Variants in MCCC2 observed in about 807,000 individuals in gnomAD.
MCCC2 encodes the protein methylcrotonyl-CoA carboxylase subunit 2, also known as methylcrotonoyl-CoA carboxylase beta chain, mitochondrial.
In MCCC2, 52 loss-of-function variants were observed where a neutral mutation model predicts 77.2. The ratio of observed to expected loss-of-function variants is 0.67; its 90% CI spans 0.54 to 0.85. The LOEUF (loss-of-function observed/expected upper bound fraction) is 0.85. MCCC2 is among the 40% of genes least tolerant of loss of function. MCCC2 has a pLI of 0.00. For missense variants in MCCC2, 682 were observed against 703.2 expected (o/e 0.97, Z 0.34); for synonymous variants, 253 against 248.4 (o/e 1.02, Z -0.18).
At chr5:71,626,274 CTTATTA>C in intron 6 of MCCC2, among the ~76,000 whole-genome samples, 2 of 152,006 alleles carry the variant, frequency 1.3e-5, no homozygotes, top group Middle Eastern at 6.8e-3. Context: ...GTTTAGAGGA[CTTATTA>C]TTATTATTAG....
At chr5:71,640,901 A>C in intron 10 of MCCC2, 102 bp from the exon 11 acceptor site, 1 of 1,001,542 alleles carries the variant, frequency 1.0e-6, no homozygotes, top group South Asian at 1.3e-5. Flanking sequence ...AAATTTTGTG[A>C]AAGTGACAAC....
At chr5:71,599,197 C>T (rs941202112) in intron 3 of MCCC2, among the ~76,000 whole-genome samples, 4 of 152,096 alleles carry the variant, frequency 2.6e-5, no homozygotes, top group Middle Eastern at 3.4e-3. Context: ...GGTGAAACCC[C>T]GTCTCTACTA....
intron 7 of MCCC2, among the ~76,000 whole-genome samples, chr5:71,627,704 C>T (rs1030198310): frequency 6.6e-6 from 1 of 152,142 alleles, no homozygotes; most frequent in African/African-American, 2.4e-5. Flanking sequence ...TCTGATTGTT[C>T]CACATTCTTG....
At chr5:71,650,870 C>T (rs1747419591) in intron 15 of MCCC2, among the ~76,000 whole-genome samples, 1 of 152,144 alleles carries the variant, frequency 6.6e-6, no homozygotes, top group Non-Finnish European at 1.5e-5. Context: ...AGGATGGTCT[C>T]GATCTCCTGC....
intron 1 of MCCC2, among the ~76,000 whole-genome samples, chr5:71,588,860 G>T (rs464594): frequency 6.6e-6 from 1 of 151,786 alleles, no homozygotes; most frequent in Non-Finnish European, 1.5e-5. Flanking sequence ...TCTGGTGATG[G>T]GATTGATTGA....
chr5:71,592,688 A>T (rs1227489840), intron 1 of MCCC2, among the ~76,000 whole-genome samples: 1 of 152,168 alleles, frequency 6.6e-6, no homozygotes, highest in Non-Finnish European at 1.5e-5. Flanking sequence ...GAGGAGTAAG[A>T]TATGGAGAGA....
intron 6 of MCCC2, among the ~76,000 whole-genome samples, chr5:71,611,783 CTT>C (rs976575166): frequency 6.7e-6 from 1 of 149,648 alleles, no homozygotes; most frequent in Non-Finnish European, 1.5e-5. Context: ...TACTTTATTC[CTT>C]TTTTTTTCTT....
At chr5:71,639,660 T>C (rs1017556093) in intron 10 of MCCC2, among the ~76,000 whole-genome samples, 7 of 152,244 alleles carry the variant, frequency 4.6e-5, no homozygotes, top group African/African-American at 1.7e-4. Flanking sequence ...GTGGTGTTAA[T>C]TGTAATGCAA....
chr5:71,638,695 A>G (rs1473516768), intron 10 of MCCC2, among the ~76,000 whole-genome samples: 1 of 152,056 alleles, frequency 6.6e-6, no homozygotes, highest in Non-Finnish European at 1.5e-5. Context: ...TAATTTTTGT[A>G]TTTTTAGTAG....
chr5:71,614,054 A>G (rs1746068579), intron 6 of MCCC2, among the ~76,000 whole-genome samples: 1 of 151,930 alleles, frequency 6.6e-6, no homozygotes, highest in Non-Finnish European at 1.5e-5. Flanking sequence ...ACACACATAT[A>G]TCAGTATTTC....
chr5:71,617,840 G>A (rs143216660), intron 6 of MCCC2, among the ~76,000 whole-genome samples: 13 of 152,212 alleles, frequency 8.5e-5, no homozygotes, highest in East Asian at 3.9e-4. Flanking sequence ...AATCATACCC[G>A]TATCGTTTTC....
In MCCC2 at chr5:71,604,525, G is replaced by T. The variant is rs113584806; in HGVS notation, c.624+57G>T. ...GCTTTTTACTCTTAAGTATCTTTAC[G>T]AATTAGGTACTCTGGGATGGCTTGA... On this transcript the variant is annotated intron_variant, in intron 6 of 16. Coordinates refer to ENST00000340941, the MANE Select transcript of MCCC2 (RefSeq NM_022132.5). The T allele has an allele frequency of 3.8e-3, 4,827 of 1,278,270 alleles. 136 individuals are homozygous for T. The African/African-American group carries it at 0.062, about 16-fold the overall frequency. 79.2% of individuals were successfully genotyped at this position (1,278,270 alleles called of 1,614,324 possible). A position where few individuals can be genotyped will look rare whatever the true frequency, so the allele number is the denominator to read the frequency against.
intron 16 of MCCC2, among the ~76,000 whole-genome samples, chr5:71,653,276 C>T (rs556893477): frequency 1.3e-5 from 2 of 152,326 alleles, no homozygotes; most frequent in South Asian, 2.1e-4. Context: ...ATAATTACCT[C>T]ACAGACCATT....
chr5:71,589,422 A>G (rs1000183634), intron 1 of MCCC2, among the ~76,000 whole-genome samples: 1 of 152,224 alleles, frequency 6.6e-6, no homozygotes, highest in African/African-American at 2.4e-5. Flanking sequence ...GTTCCACTGC[A>G]GGGTAGGTTC....
In MCCC2 at chr5:71,587,996, C is replaced by T. The variant is rs1462171946; in HGVS notation, c.129+442C>T. ...AAAAGTTGATTATGATGGCCGAGCC[C>T]AGTGGCTCACGCCTGTAATCCCAGC... is the stretch of plus-strand genomic sequence containing the variant. On this transcript the variant is annotated intron_variant, in intron 1 of 16. Transcript: ENST00000340941. Among the ~76,000 whole-genome samples, 3 of 152,166 alleles carry T rather than the reference C, an allele frequency of 2.0e-5. No homozygotes were observed. The East Asian group carries it at 5.8e-4, about 29-fold the overall frequency.
At chr5:71,636,071 G>A (rs1340460899) in intron 10 of MCCC2, 2 of 390,202 alleles carry the variant, frequency 5.1e-6, no homozygotes, top group Admixed American at 3.0e-5. Context: ...ACTTTTTCTA[G>A]TTTAAATTAT....
intron 6 of MCCC2, among the ~76,000 whole-genome samples, chr5:71,623,076 A>G (rs277990): frequency 0.32 from 48,420 of 152,184 alleles, 8,505 homozygotes; most frequent in East Asian, 0.52. Context: ...TGAACAGGTT[A>G]GATAGGTTCT....
At chr5:71,595,344 A>C (rs914164176) in intron 2 of MCCC2, among the ~76,000 whole-genome samples, 8 of 148,472 alleles carry the variant, frequency 5.4e-5, no homozygotes, top group Non-Finnish European at 7.4e-5. Context: ...TGAGAGGATC[A>C]CTTGAATTTA....
intron 6 of MCCC2, among the ~76,000 whole-genome samples, chr5:71,622,166 T>C (rs1746371700): frequency 1.3e-5 from 2 of 152,094 alleles, no homozygotes; most frequent in South Asian, 4.1e-4. Context: ...ATTTTCTTTC[T>C]AGGGTTTCAG....
Sources: allele counts gnomAD v4.1 joint callset (sites outside exome capture counted in the v4.1 genomes callset), GRCh38; gene constraint gnomAD v4.1.1; transcripts MANE v1.5; gene names NCBI Gene and HGNC (gene_info 2026-07-23, HGNC 2026-07-21).